Variants in ARHGAP44 observed in about 807,000 individuals in gnomAD.
ARHGAP44 encodes Rho GTPase activating protein 44, also known as rho GTPase-activating protein 44.
A neutral mutation model predicts 106.8 loss-of-function variants in ARHGAP44; 43 were observed. The observed-to-expected ratio is 0.40, with a 90% CI of 0.32 to 0.52. ARHGAP44 has a LOEUF of 0.52. Among genes scored for constraint, ARHGAP44 ranks in the 20% least tolerant of loss-of-function variants. The pLI is 0.48. For missense variants in ARHGAP44, 866 were observed against 1,050.5 expected (o/e 0.82, Z 2.43); for synonymous variants, 439 against 410.3 (o/e 1.07, Z -0.85).
intron 1 of ARHGAP44, among the ~76,000 whole-genome samples, chr17:12,802,956 TATATATATATATA>T (rs1178545826): frequency 1.8e-3 from 46 of 25,856 alleles, no homozygotes; most frequent in East Asian, 9.9e-3. Context: ...TATATATATA[TATATATATATATA>T]TTTTTTTTTT....
At chr17:12,973,865 G>A (rs952890068) in intron 17 of ARHGAP44, 3 of 587,032 alleles carry the variant, frequency 5.1e-6, no homozygotes, top group South Asian at 4.1e-5. Flanking sequence ...CTCAGTGAGG[G>A]GGCCGCTCTT....
At chr17:12,860,116 C>T (rs999923947) in intron 1 of ARHGAP44, among the ~76,000 whole-genome samples, 3 of 152,066 alleles carry the variant, frequency 2.0e-5, no homozygotes, top group African/African-American at 7.2e-5. Context: ...TTACTTGTTA[C>T]CTCTAGGAAT....
chr17:12,807,647 C>T (rs1028988752), intron 1 of ARHGAP44, among the ~76,000 whole-genome samples: 1 of 152,136 alleles, frequency 6.6e-6, no homozygotes, highest in African/African-American at 2.4e-5. Context: ...CAGTTACCTG[C>T]TACACTGGGT....
intron 1 of ARHGAP44, among the ~76,000 whole-genome samples, chr17:12,883,853 T>C: frequency 6.6e-6 from 1 of 152,144 alleles, no homozygotes; most frequent in East Asian, 1.9e-4. Flanking sequence ...ATGTCCACTT[T>C]TTTTCTGCCT....
chr17:12,873,639 T>G (rs2036465130), intron 1 of ARHGAP44, among the ~76,000 whole-genome samples: 2 of 152,222 alleles, frequency 1.3e-5, no homozygotes, highest in Admixed American at 1.3e-4. Context: ...GGCTCACGCC[T>G]ATAATCCCAG....
intron 1 of ARHGAP44, among the ~76,000 whole-genome samples, chr17:12,863,901 G>C (rs1004858905): frequency 6.6e-6 from 1 of 152,200 alleles, no homozygotes; most frequent in South Asian, 2.1e-4. Flanking sequence ...ATTTGGAGTT[G>C]TGTTCGCTCA....
intron 1 of ARHGAP44, among the ~76,000 whole-genome samples, chr17:12,843,772 C>T (rs2035487242): frequency 6.6e-6 from 1 of 151,020 alleles, no homozygotes. Context: ...TCTCCCGGCT[C>T]AGCCTCCCAA....
intron 1 of ARHGAP44, among the ~76,000 whole-genome samples, chr17:12,863,978 A>G (rs1394476287): frequency 6.6e-6 from 1 of 152,184 alleles, no homozygotes; most frequent in African/African-American, 2.4e-5. Flanking sequence ...AAAGACCCTC[A>G]TGTGGCCACG....
chr17:12,824,147 A>C (rs1032116930), intron 1 of ARHGAP44, among the ~76,000 whole-genome samples: 3 of 152,062 alleles, frequency 2.0e-5, no homozygotes, highest in African/African-American at 7.2e-5. Flanking sequence ...CTCCCTGTGC[A>C]ATTTTCTTCA....
chr17:12,919,611 C>G lies in ARHGAP44; in HGVS notation c.388-144C>G, dbSNP rs1338592474. The G allele has an allele frequency of 7.2e-6, 4 of 553,202 alleles. No homozygotes were observed. In the East Asian group the frequency reaches 1.4e-4, roughly 20 times the overall value. 34.3% of individuals were successfully genotyped at this position (553,202 alleles called of 1,614,324 possible). On this transcript the variant is annotated intron_variant, in intron 5 of 20. Transcript: ENST00000379672. ...ATATTGGCCAGGCTGGTCTCGAACT[C>G]CTGACCTCAGGTGATCCACCTGCCT...
intron 7 of ARHGAP44, among the ~76,000 whole-genome samples, chr17:12,930,945 A>G (rs1248090005): frequency 6.6e-6 from 1 of 152,358 alleles, no homozygotes; most frequent in African/African-American, 2.4e-5. Flanking sequence ...CAGCCATAAC[A>G]GTTATAAGGA....
chr17:12,811,269 C>A (rs1305626855), intron 1 of ARHGAP44, among the ~76,000 whole-genome samples: 1 of 149,008 alleles, frequency 6.7e-6, no homozygotes, highest in Non-Finnish European at 1.5e-5. Flanking sequence ...GCCGAGATCG[C>A]ACCACTGCAC....
At chr17:12,903,083 T>TGAGA (rs67363604) in intron 3 of ARHGAP44, among the ~76,000 whole-genome samples, 916 of 70,140 alleles carry the variant, frequency 0.013, 18 homozygotes, top group Non-Finnish European at 0.016. Context: ...AGGGAATATA[T>TGAGA]GAGAGAGAGA....
chr17:12,887,519 C>T (rs67696951), intron 1 of ARHGAP44, among the ~76,000 whole-genome samples: 29,068 of 152,076 alleles, frequency 0.19, 3,457 homozygotes, highest in East Asian at 0.44. Flanking sequence ...GGATTACAGA[C>T]GTCAGTGACC....
At chr17:12,838,654 C>G (rs1344105476) in intron 1 of ARHGAP44, among the ~76,000 whole-genome samples, 1 of 152,004 alleles carries the variant, frequency 6.6e-6, no homozygotes, top group African/African-American at 2.4e-5. Flanking sequence ...CCTTATTCAC[C>G]CCCCACCCAT....
At chr17:12,857,765 GTTATTTAT>G (rs56164347) in intron 1 of ARHGAP44, among the ~76,000 whole-genome samples, 60,424 of 145,242 alleles carry the variant, frequency 0.42, 13,805 homozygotes, top group East Asian at 0.53. Flanking sequence ...GGTTGCCCAT[GTTATTTAT>G]TTATTTATTT....
At chr17:12,840,535 C>T (rs779353211) in intron 1 of ARHGAP44, among the ~76,000 whole-genome samples, 1 of 152,152 alleles carries the variant, frequency 6.6e-6, no homozygotes, top group South Asian at 2.1e-4. Flanking sequence ...TCCTAGGTCA[C>T]CTCTCCCTCT....
intron 1 of ARHGAP44, among the ~76,000 whole-genome samples, chr17:12,831,283 T>C (rs956361306): frequency 6.6e-6 from 1 of 152,194 alleles, no homozygotes; most frequent in African/African-American, 2.4e-5. Flanking sequence ...CCAGACACCA[T>C]GCTGTTCACC....
intron 1 of ARHGAP44, among the ~76,000 whole-genome samples, chr17:12,829,031 C>T (rs1358038800): frequency 6.6e-6 from 1 of 152,088 alleles, no homozygotes; most frequent in African/African-American, 2.4e-5. Flanking sequence ...GCTTAGGAAT[C>T]AAGATTGCAA....
Sources: allele counts gnomAD v4.1 joint callset (sites outside exome capture counted in the v4.1 genomes callset), GRCh38; gene constraint gnomAD v4.1.1; transcripts MANE v1.5; gene names NCBI Gene and HGNC (gene_info 2026-07-23, HGNC 2026-07-21).